PNKD: variants seen among roughly 807,000 people sequenced by gnomAD.
PNKD encodes PNKD metallo-beta-lactamase domain containing.
In PNKD, 36 loss-of-function variants were observed where a neutral mutation model predicts 45.3. That is an observed-to-expected ratio of 0.80 (90% CI 0.61 to 1.05). The LOEUF is 1.05. Among genes scored for constraint, PNKD ranks in the 50% least tolerant of loss-of-function variants. PNKD has a pLI of 0.00. For missense variants in PNKD, 511 were observed against 506.6 expected, an observed-to-expected ratio of 1.01 and a Z score of -0.08; for synonymous variants, 197 against 210.1, an observed-to-expected ratio of 0.94 and a Z score of 0.54.
intron 2 of PNKD, among the ~76,000 whole-genome samples, chr2:218,291,185 G>C (rs1692904369): frequency 6.6e-6 from 1 of 152,142 alleles, no homozygotes; most frequent in African/African-American, 2.4e-5. Flanking sequence ...CCTCTCTGAA[G>C]GGCTCATTTT....
chr2:218,318,120 C>A (rs6726818), intron 2 of PNKD: 2 of 152,254 alleles, frequency 1.3e-5, no homozygotes, highest in African/African-American at 4.8e-5. Flanking sequence ...TCTAAGGGAA[C>A]CTCTCAGGCC....
chr2:218,321,683 C>T (rs1693989366), intron 2 of PNKD, among the ~76,000 whole-genome samples: 1 of 147,014 alleles, frequency 6.8e-6, no homozygotes, highest in Non-Finnish European at 1.5e-5. Flanking sequence ...GGCTGGAGTG[C>T]CGTGGCACAA....
chr2:218,303,794 T>C (rs1189220216), intron 2 of PNKD, among the ~76,000 whole-genome samples: 1 of 152,008 alleles, frequency 6.6e-6, no homozygotes, highest in African/African-American at 2.4e-5. Flanking sequence ...CAGGCTAGTC[T>C]TGAACTCCTG....
At chr2:218,288,504 A>G (rs2106235358) in intron 2 of PNKD, among the ~76,000 whole-genome samples, 1 of 152,366 alleles carries the variant, frequency 6.6e-6, no homozygotes, top group East Asian at 1.9e-4. Context: ...AGTACTTACT[A>G]TATAACTAAG....
At chr2:218,276,384 C>G (rs1489269659) in intron 2 of PNKD, among the ~76,000 whole-genome samples, 1 of 152,134 alleles carries the variant, frequency 6.6e-6, no homozygotes, top group African/African-American at 2.4e-5. Context: ...AGGGGCAGAC[C>G]CAGCATTCAA....
chr2:218,323,169 C>A, intron 2 of PNKD: 4 of 1,364,892 alleles, frequency 2.9e-6, no homozygotes, highest in Middle Eastern at 2.7e-4. Flanking sequence ...AACGCCCCCA[C>A]GTCCAGAGCC....
intron 2 of PNKD, chr2:218,277,240 C>G: frequency 3.4e-6 from 4 of 1,169,600 alleles, no homozygotes; most frequent in Non-Finnish European, 5.1e-6. Context: ...AAACAGGACA[C>G]AGTTTTGTAG....
chr2:218,338,874 C>T (rs945628896), intron 2 of PNKD, among the ~76,000 whole-genome samples: 2 of 149,568 alleles, frequency 1.3e-5, no homozygotes, highest in Non-Finnish European at 3.0e-5. Context: ...CTTACTGCAG[C>T]TTCACCCTCC....
In PNKD at chr2:218,343,664, C is replaced by A. The variant is rs767958305; in HGVS notation, c.868+78C>A. 4 of 1,098,366 alleles carry A rather than the reference C, an allele frequency of 3.6e-6. No individual in the cohort carries two copies. In the African/African-American group the frequency reaches 6.2e-5, roughly 17 times the overall value. The allele number at this position is 1,098,366 out of a possible 1,614,324, so 68.0% of individuals were successfully genotyped here. On this transcript the variant is annotated intron_variant, in intron 8 of 9. Transcript: ENST00000273077. Reference sequence around the variant, plus strand: ...ACAAGGGCCTTCCCACCCCCTCACTCCCCTAGAAAGCAGGCCAGCCCAGTT... The same window carrying A: ...ACAAGGGCCTTCCCACCCCCTCACTACCCTAGAAAGCAGGCCAGCCCAGTT...
At chr2:218,295,496 G>T (rs1375670917) in intron 2 of PNKD, among the ~76,000 whole-genome samples, 5 of 152,186 alleles carry the variant, frequency 3.3e-5, no homozygotes. Flanking sequence ...TTCAGAGGAG[G>T]TGACACCTGA....
chr2:218,294,786 C>A (rs769143705), intron 2 of PNKD, among the ~76,000 whole-genome samples: 3 of 152,218 alleles, frequency 2.0e-5, no homozygotes, highest in Non-Finnish European at 4.4e-5. Flanking sequence ...CCACCAGCTT[C>A]TTTTCTAAGA....
chr2:218,275,489 C>G, intron 2 of PNKD: 1 of 1,613,618 alleles, frequency 6.2e-7, no homozygotes, highest in East Asian at 2.2e-5. Context: ...TTGCGATCCC[C>G]CATCAGCTGC....
intron 2 of PNKD, chr2:218,272,685 G>A (rs556237248): frequency 1.7e-5 from 27 of 1,614,232 alleles, no homozygotes; most frequent in African/African-American, 5.3e-5. Context: ...CAACACGGGC[G>A]AGTATGAGAG....
intron 2 of PNKD, chr2:218,280,194 T>G (rs1476021667): frequency 4.3e-6 from 5 of 1,161,354 alleles, no homozygotes; most frequent in Non-Finnish European, 5.2e-6. Context: ...AAAGCCTCCC[T>G]GACAATCTCA....
chr2:218,291,968 A>C (rs1692957839), intron 2 of PNKD, among the ~76,000 whole-genome samples: 3 of 137,420 alleles, frequency 2.2e-5, no homozygotes, highest in Non-Finnish European at 1.6e-5. Flanking sequence ...TTAAATATTC[A>C]CCTGTCTACA....
At chr2:218,276,156 G>C in intron 2 of PNKD, 1 of 1,512,452 alleles carries the variant, frequency 6.6e-7, no homozygotes, top group Non-Finnish European at 9.1e-7. Flanking sequence ...CTTCCCCCGG[G>C]ATAGTGGCAT....
At chr2:218,325,757 G>A (rs528621221) in intron 2 of PNKD, among the ~76,000 whole-genome samples, 14 of 152,146 alleles carry the variant, frequency 9.2e-5, no homozygotes, top group Non-Finnish European at 1.6e-4. Context: ...AACTTGAGAC[G>A]TGGGATTTTA....
chr2:218,342,079 A>T lies in PNKD; in HGVS notation c.716A>T (p.Asp239Val), dbSNP rs1553674341. ...HTQGHLVYLLDGEPYKGPSCL... is the reference protein window; with the variant it reads ...HTQGHLVYLLVGEPYKGPSCL... ...CAAGGCCATCTGGTCTACCTACTGG[A>T]TGGGGAGCCCTACAAGGGTCCCTCC... is the stretch of plus-strand genomic sequence containing the variant. The change falls in exon 7 of 10, where the codon GAT becomes GTT. Residue 239 changes from aspartate to valine, a missense_variant. Physicochemically the swap from Asp to Val is radical, Grantham distance 152 (BLOSUM62 -3). Transcript: ENST00000273077. The T allele has an allele frequency of 1.2e-6, 2 of 1,613,590 alleles. No individual in the cohort carries two copies. Among genetic ancestry groups the T allele is most frequent in the Non-Finnish European group, 1.7e-6 (2 of 1,179,604 alleles).
At chr2:218,286,977 C>G (rs1164986194) in intron 2 of PNKD, 2 of 152,198 alleles carry the variant, frequency 1.3e-5, no homozygotes, top group African/African-American at 4.8e-5. Context: ...CACAAGAAAA[C>G]ACTTTATCCT....
Sources: gnomAD v4.1 joint callset for allele counts (sites outside exome capture counted in the v4.1 genomes callset) on GRCh38, gnomAD v4.1.1 for gene constraint, MANE v1.5 for transcripts, NCBI Gene and HGNC (gene_info 2026-07-23, HGNC 2026-07-21) for gene names.